Variants in RHOBTB3 observed in about 807,000 individuals in gnomAD.
RHOBTB3 encodes rho-related BTB domain-containing protein 3.
Under a neutral mutation model 67.2 loss-of-function variants are expected in RHOBTB3, and 47 were observed. That is an observed-to-expected ratio of 0.70 (90% CI 0.55 to 0.89). The LOEUF is 0.89. RHOBTB3 is among the 40% of genes least tolerant of loss of function. The pLI is 0.00. For missense variants in RHOBTB3, 631 were observed against 750.0 expected (o/e 0.84, Z 1.85); for synonymous variants, 273 against 274.2 (o/e 1.00, Z 0.04).
At chr5:95,731,775 C>A (rs1755269618) in intron 1 of RHOBTB3, 84 bp from the exon 2 acceptor site, 1 of 1,603,674 alleles carries the variant, frequency 6.2e-7, no homozygotes, top group Admixed American at 1.7e-5. Flanking sequence ...TCGCCGCGCG[C>A]TGTCCCCCGC....
rs754064923 is a variant in RHOBTB3 at position 95,732,098 on chromosome 5, G to T, written c.228+14G>T. 1 of 1,608,568 alleles carries T rather than the reference G, an allele frequency of 6.2e-7. No homozygotes were observed. The highest frequency in any genetic ancestry group is 8.5e-7 in the Non-Finnish European group (1 of 1,174,942). ...TGTCCCGTCTGGGTAAGGAAGAGCA[G>T]CTGCTCCGCGCTGAGGCTGAAGAAG... On this transcript the variant is annotated intron_variant, in intron 2 of 11. Coordinates refer to ENST00000379982, the MANE Select transcript of RHOBTB3 (RefSeq NM_014899.4).
chr5:95,754,678 C>A (rs1164448341), intron 5 of RHOBTB3, among the ~76,000 whole-genome samples: 1 of 152,158 alleles, frequency 6.6e-6, no homozygotes, highest in South Asian at 2.1e-4. Flanking sequence ...GAGGGCTCAT[C>A]TCTCTTTGTT....
At chr5:95,765,861 A>G (rs1401596884) in intron 7 of RHOBTB3, among the ~76,000 whole-genome samples, 1 of 151,966 alleles carries the variant, frequency 6.6e-6, no homozygotes, top group Non-Finnish European at 1.5e-5. Flanking sequence ...ACGGGGTTTC[A>G]CCGTGTTAGC....
intron 8 of RHOBTB3, among the ~76,000 whole-genome samples, chr5:95,771,752 A>G (rs1561452161): frequency 6.6e-6 from 1 of 152,212 alleles, no homozygotes; most frequent in Non-Finnish European, 1.5e-5. Flanking sequence ...TTCTCTCATT[A>G]GCTTCTAGGA....
chr5:95,773,742 A>C (rs898246330), intron 8 of RHOBTB3, among the ~76,000 whole-genome samples: 2 of 152,190 alleles, frequency 1.3e-5, no homozygotes, highest in African/African-American at 4.8e-5. Flanking sequence ...AAGTTGAGTG[A>C]ATTCTTGTTC....
intron 11 of RHOBTB3, among the ~76,000 whole-genome samples, chr5:95,792,707 G>A: frequency 6.6e-6 from 1 of 150,944 alleles, no homozygotes; most frequent in Non-Finnish European, 1.5e-5. Flanking sequence ...CAGGAGAATT[G>A]CTTGAACTGG....
At chr5:95,725,142 T>C (rs1266909642) in intron 1 of RHOBTB3, among the ~76,000 whole-genome samples, 2 of 152,232 alleles carry the variant, frequency 1.3e-5, no homozygotes, top group Non-Finnish European at 2.9e-5. Flanking sequence ...AACCTGGGAA[T>C]AGCCCACGAG....
Position 95,748,317 on chromosome 5 carries a change from A to G in RHOBTB3, c.416-16A>G. The G allele has an allele frequency of 6.4e-7, 1 of 1,573,476 alleles. No individual in the cohort carries two copies. Among genetic ancestry groups the G allele is most frequent in the Non-Finnish European group, 8.6e-7 (1 of 1,159,802 alleles). ...TTTAATTTCGAAACTCTTTGTTTTA[A>G]AATTTGTTTTCTCAGAAGAGTTACC... On this transcript the variant is annotated splice_polypyrimidine_tract_variant and intron_variant, in intron 3 of 11. Coordinates refer to ENST00000379982, the MANE Select transcript of RHOBTB3 (RefSeq NM_014899.4).
intron 6 of RHOBTB3, among the ~76,000 whole-genome samples, chr5:95,759,913 G>T (rs1580412006): frequency 6.6e-6 from 1 of 151,846 alleles, no homozygotes; most frequent in South Asian, 2.1e-4. Context: ...ACACGGGCTA[G>T]AGAGTTATAA....
chr5:95,769,392 A>G, intron 8 of RHOBTB3: 1 of 366,954 alleles, frequency 2.7e-6, no homozygotes, highest in South Asian at 2.6e-5. Flanking sequence ...CTTCGAGAAG[A>G]TTACCAGAGG....
chr5:95,762,504 T>A (rs1745422440), intron 6 of RHOBTB3, among the ~76,000 whole-genome samples: 1 of 152,202 alleles, frequency 6.6e-6, no homozygotes, highest in South Asian at 2.1e-4. Context: ...AAAAAGGGTC[T>A]TGAATTACCC....
intron 3 of RHOBTB3, among the ~76,000 whole-genome samples, chr5:95,746,864 G>C (rs1744930481): frequency 6.6e-6 from 1 of 152,198 alleles, no homozygotes; most frequent in Non-Finnish European, 1.5e-5. Context: ...ATGTGTGTCT[G>C]TGTGTATGTG....
In RHOBTB3 at chr5:95,748,332, G is replaced by T. The variant is rs1259531550; in HGVS notation, c.416-1G>T. 8 of 1,584,260 alleles carry T rather than the reference G, an allele frequency of 5.0e-6. No homozygotes were observed. The highest frequency in any genetic ancestry group is 6.9e-6 in the Non-Finnish European group (8 of 1,166,882). On this transcript the variant is annotated splice_acceptor_variant, in intron 3 of 11. Transcript: ENST00000379982. LOFTEE classifies it high-confidence loss of function. Reference sequence around the variant, plus strand: ...CTTTGTTTTAAAATTTGTTTTCTCAGAAGAGTTACCTTGTACATGCCCACT... The same window carrying T: ...CTTTGTTTTAAAATTTGTTTTCTCATAAGAGTTACCTTGTACATGCCCACT...
At chr5:95,739,429 A>G (rs186174701) in intron 3 of RHOBTB3, among the ~76,000 whole-genome samples, 1 of 152,356 alleles carries the variant, frequency 6.6e-6, no homozygotes, top group African/African-American at 2.4e-5. Flanking sequence ...GAGGTCCTTC[A>G]TAAGGAAAAA....
intron 3 of RHOBTB3, among the ~76,000 whole-genome samples, chr5:95,746,225 T>C (rs991395781): frequency 3.3e-5 from 5 of 152,118 alleles, no homozygotes; most frequent in African/African-American, 1.2e-4. Flanking sequence ...TTAGTTGTAT[T>C]TTCTCCCTCA....
chr5:95,745,028 A>G (rs1744829767), intron 3 of RHOBTB3, among the ~76,000 whole-genome samples: 1 of 151,756 alleles, frequency 6.6e-6, no homozygotes. Flanking sequence ...AGCAGAGATC[A>G]TGCCACTGCA....
Position 95,794,193 on chromosome 5 carries a change from C to G in RHOBTB3, c.*1019C>G, listed in dbSNP as rs748000145. On this transcript the variant is annotated 3_prime_UTR_variant, in exon 12 of 12. Transcript: ENST00000379982. The stretch of plus-strand genomic sequence containing the variant: ...CTTTAAAACAGTCACAGTTCTTGCT[C>G]TATCATAGATGAACAAATACTTTCT... The G allele has an allele frequency of 2.8e-6, 1 of 359,218 alleles. No individual in the cohort carries two copies. The highest frequency in any genetic ancestry group is 2.1e-5 in the South Asian group (1 of 47,132). The allele number at this position is 359,218 out of a possible 1,614,324, so 22.3% of individuals were successfully genotyped here.
intron 3 of RHOBTB3, among the ~76,000 whole-genome samples, chr5:95,745,229 C>T (rs1169612961): frequency 6.6e-6 from 1 of 151,336 alleles, no homozygotes; most frequent in Non-Finnish European, 1.5e-5. Flanking sequence ...CCATCATGCT[C>T]AGCTTCTTGA....
At chr5:95,771,212 T>G (rs1745700488) in intron 8 of RHOBTB3, among the ~76,000 whole-genome samples, 1 of 152,234 alleles carries the variant, frequency 6.6e-6, no homozygotes, top group Non-Finnish European at 1.5e-5. Context: ...ATACCTTCAG[T>G]TAGGCAAGAA....
Sources: gnomAD v4.1 joint callset for allele counts (sites outside exome capture counted in the v4.1 genomes callset) on GRCh38, gnomAD v4.1.1 for gene constraint, MANE v1.5 for transcripts, NCBI Gene and HGNC (gene_info 2026-07-23, HGNC 2026-07-21) for gene names.